The following SLC13A1 variants were observed in gnomAD, a reference collection of about 807,000 sequenced individuals.
SLC13A1 encodes the protein solute carrier family 13 member 1.
In SLC13A1, 65 loss-of-function variants were observed where a neutral mutation model predicts 70.0. That is an observed-to-expected ratio of 0.93 (90% CI 0.76 to 1.14). The LOEUF (loss-of-function observed/expected upper bound fraction) is 1.14. Among genes scored for constraint, SLC13A1 ranks in the 50% most tolerant of loss-of-function variants. The probability of loss-of-function intolerance (pLI) is 0.00; values close to 1 mark genes in which losing one functional copy is unlikely to be tolerated. For synonymous variants in SLC13A1, 275 were observed against 250.5 expected (o/e 1.10, Z -0.92); for missense variants, 726 against 717.8 (o/e 1.01, Z -0.13).
chr7:123,184,304 T>C (rs1795730619), intron 1 of SLC13A1, among the ~76,000 whole-genome samples: 1 of 152,118 alleles, frequency 6.6e-6, no homozygotes, highest in South Asian at 2.1e-4. Flanking sequence ...TCCACTCTTT[T>C]TAGCATTTTT....
chr7:123,165,300 A>G (rs916340035), intron 6 of SLC13A1, among the ~76,000 whole-genome samples: 6 of 152,178 alleles, frequency 3.9e-5, no homozygotes, highest in Admixed American at 6.6e-5. Context: ...ATTTTTGTGC[A>G]TTGCATTCTG....
intron 7 of SLC13A1, among the ~76,000 whole-genome samples, chr7:123,144,270 C>G (rs960572427): frequency 6.6e-6 from 1 of 152,010 alleles, no homozygotes; most frequent in African/African-American, 2.4e-5. Context: ...GTTATCAGCA[C>G]ATAGGTGGTA....
chr7:123,198,319 G>C (rs4323414), intron 1 of SLC13A1, among the ~76,000 whole-genome samples: 1 of 151,190 alleles, frequency 6.6e-6, no homozygotes, highest in Non-Finnish European at 1.5e-5. Context: ...CAGGGTGGGA[G>C]GGAAAGGGTT....
intron 10 of SLC13A1, among the ~76,000 whole-genome samples, chr7:123,127,560 T>G (rs967019549): frequency 2.0e-5 from 3 of 152,102 alleles, no homozygotes; most frequent in Non-Finnish European, 2.9e-5. Flanking sequence ...ACATAATAAC[T>G]TGATTTAAAT....
chr7:123,157,568 GC>G lies in SLC13A1; in HGVS notation c.661-10259del, dbSNP rs532224469. The stretch of plus-strand genomic sequence containing the variant: ...TTCCCTTATACTTTCTTAGGAAAAA[GC>G]ATATGTGTATGTGTGTTTGTGTGTG... On this transcript the variant is annotated intron_variant, in intron 6 of 14. Coordinates refer to ENST00000194130, the MANE Select transcript of SLC13A1 (RefSeq NM_022444.4). Among the ~76,000 whole-genome samples, 4 of 152,042 alleles carry G rather than the reference GC, an allele frequency of 2.6e-5. No homozygotes were observed. In the South Asian group the frequency reaches 8.3e-4, roughly 32 times the overall value.
At chr7:123,124,980 C>T (rs926832364) in intron 11 of SLC13A1, among the ~76,000 whole-genome samples, 31 of 151,840 alleles carry the variant, frequency 2.0e-4, no homozygotes, top group African/African-American at 6.5e-4. Context: ...TGGGGTCTCA[C>T]CATGCTGCCA....
Position 123,136,161 on chromosome 7 carries a change from T to C in SLC13A1, c.813-1632A>G, listed in dbSNP as rs1245893776. Among the ~76,000 whole-genome samples, 3 of 152,344 alleles carry C rather than the reference T, an allele frequency of 2.0e-5. No homozygotes were observed. In the East Asian group the frequency reaches 5.8e-4, roughly 29 times the overall value. Reference sequence around the variant, plus strand: ...TTCACTTTTCACCATCTGTGGCTCATATCTTGAAATCAGTATGCAGAGCTC... The same window carrying C: ...TTCACTTTTCACCATCTGTGGCTCACATCTTGAAATCAGTATGCAGAGCTC... On this transcript the variant is annotated intron_variant, in intron 7 of 14. Coordinates refer to ENST00000194130, the MANE Select transcript of SLC13A1 (RefSeq NM_022444.4).
chr7:123,178,797 G>A (rs931889774), intron 2 of SLC13A1, among the ~76,000 whole-genome samples: 15 of 152,084 alleles, frequency 9.9e-5, no homozygotes, highest in Non-Finnish European at 2.2e-4. Context: ...AACTTACAAG[G>A]TGAAGAGAAT....
intron 1 of SLC13A1, among the ~76,000 whole-genome samples, chr7:123,196,375 A>G (rs1441344335): frequency 6.6e-6 from 1 of 152,140 alleles, no homozygotes; most frequent in Non-Finnish European, 1.5e-5. Context: ...ACAGCAATGT[A>G]CTAGGAATAT....
At chr7:123,172,006 G>T in intron 2 of SLC13A1, 102 bp from the exon 3 acceptor site, 1 of 1,013,516 alleles carries the variant, frequency 9.9e-7, no homozygotes, top group Non-Finnish European at 1.4e-6. Flanking sequence ...ACCTTCAACC[G>T]CATAATCTTT....
chr7:123,115,175 A>G lies in SLC13A1; in HGVS notation c.*343T>C, dbSNP rs564251947. The G allele has an allele frequency of 1.0e-3, 168 of 160,348 alleles. No homozygotes were observed. The highest frequency in any genetic ancestry group is 3.7e-3 in the African/African-American group (155 of 41,964). 9.9% of individuals were successfully genotyped at this position (160,348 alleles called of 1,614,324 possible). On this transcript the variant is annotated 3_prime_UTR_variant, in exon 15 of 15. Transcript: ENST00000194130. ...TCTGAAATAATAAATTGCATTTAAA[A>G]TGTTACATTGAACTCCAACTGTAAG...
At chr7:123,139,020 T>C (rs544540943) in intron 7 of SLC13A1, among the ~76,000 whole-genome samples, 9 of 152,212 alleles carry the variant, frequency 5.9e-5, no homozygotes, top group Non-Finnish European at 1.2e-4. Context: ...GTTTAACCGA[T>C]GTTTTCTTGT....
intron 7 of SLC13A1, among the ~76,000 whole-genome samples, chr7:123,141,800 T>C (rs1397138166): frequency 6.6e-6 from 1 of 152,270 alleles, no homozygotes; most frequent in Non-Finnish European, 1.5e-5. Context: ...ATCTCTTTAT[T>C]TTCAGTCAAC....
At position 123,172,419 on chromosome 7, in the gene SLC13A1, G is replaced by A. The variant is rs531759384; in HGVS notation, c.229-515C>T. Among the ~76,000 whole-genome samples, 268 of 152,222 alleles carry A rather than the reference G, an allele frequency of 1.8e-3. 1 individual carries two copies. Among genetic ancestry groups the A allele is most frequent in the Admixed American group, 3.5e-3 (53 of 15,290 alleles). On this transcript the variant is annotated intron_variant, in intron 2 of 14. Coordinates refer to ENST00000194130, the MANE Select transcript of SLC13A1 (RefSeq NM_022444.4). ...GTGGATCACTTGAGGTCAGGAGTTC[G>A]AGGCCATCCTGGCCAACATAGTGAA...
In SLC13A1 at chr7:123,123,114, A is replaced by G; in HGVS notation, c.1350+12T>C. Reference sequence around the variant, plus strand: ...TGGTTAATTGTTAAATATCTTACACACAGAGTATTACCTCACAACCATCTG... The same window carrying G: ...TGGTTAATTGTTAAATATCTTACACGCAGAGTATTACCTCACAACCATCTG... On this transcript the variant is annotated intron_variant, in intron 12 of 14. Coordinates refer to ENST00000194130, the MANE Select transcript of SLC13A1 (RefSeq NM_022444.4). 1 of 1,548,354 alleles carries G rather than the reference A, an allele frequency of 6.5e-7. No homozygotes were observed. Among genetic ancestry groups the G allele is most frequent in the Non-Finnish European group, 8.9e-7 (1 of 1,120,578 alleles).
At chr7:123,177,348 T>C (rs537970270) in intron 2 of SLC13A1, among the ~76,000 whole-genome samples, 1 of 152,290 alleles carries the variant, frequency 6.6e-6, no homozygotes, top group African/African-American at 2.4e-5. Flanking sequence ...GTCTCTCACC[T>C]ACTGCAGTAA....
intron 8 of SLC13A1, 69 bp downstream of exon 8, chr7:123,134,341 G>T: frequency 2.1e-6 from 3 of 1,451,418 alleles, no homozygotes; most frequent in Admixed American, 2.0e-5. Flanking sequence ...AAAGAGCATC[G>T]GATAAGAAGC....
chr7:123,130,031 T>C (rs13244086), intron 8 of SLC13A1, among the ~76,000 whole-genome samples: 34,280 of 151,974 alleles, frequency 0.23, 4,759 homozygotes, highest in East Asian at 0.35. Flanking sequence ...ATCAATCCAA[T>C]AGTACCTTTG....
Position 123,117,612 on chromosome 7 carries a change from T to C in SLC13A1, c.1513-4A>G. The C allele has an allele frequency of 1.3e-6, 2 of 1,572,840 alleles. No homozygotes were observed. Among genetic ancestry groups the C allele is most frequent in the Non-Finnish European group, 1.7e-6 (2 of 1,157,934 alleles). On this transcript the variant is annotated splice_polypyrimidine_tract_variant and splice_region_variant and intron_variant, in intron 13 of 14. Coordinates refer to ENST00000194130, the MANE Select transcript of SLC13A1 (RefSeq NM_022444.4). Reference sequence around the variant, plus strand: ...GGTTCACATGAATGGCTTCGGCCTGTTGTAAGAGATAAAAAAGAGTCTAAG... The same window carrying C: ...GGTTCACATGAATGGCTTCGGCCTGCTGTAAGAGATAAAAAAGAGTCTAAG...
Sources: gnomAD v4.1 joint callset for allele counts (sites outside exome capture counted in the v4.1 genomes callset) on GRCh38, gnomAD v4.1.1 for gene constraint, MANE v1.5 for transcripts, NCBI Gene and HGNC (gene_info 2026-07-23, HGNC 2026-07-21) for gene names.